Variants in KATNIP observed in about 807,000 individuals in gnomAD.
The protein encoded by KATNIP is katanin-interacting protein.
A neutral mutation model predicts 174.0 loss-of-function variants in KATNIP; 126 were observed. The observed-to-expected ratio is 0.72, with a 90% CI of 0.63 to 0.84. The LOEUF is 0.84. KATNIP is among the 40% of genes least tolerant of loss of function. The pLI, the probability that KATNIP is intolerant of heterozygous loss-of-function variation, is 0.00. For synonymous variants in KATNIP, 810 were observed against 835.7 expected (o/e 0.97, Z 0.53); for missense variants, 1,958 against 2,109.7 (o/e 0.93, Z 1.41).
intron 2 of KATNIP, among the ~76,000 whole-genome samples, chr16:27,601,223 C>A (rs1031304515): frequency 6.6e-6 from 1 of 152,158 alleles, no homozygotes; most frequent in Non-Finnish European, 1.5e-5. Context: ...GGAGACACAG[C>A]AGTGAGCAAG....
chr16:27,750,007 C>A lies in KATNIP; in HGVS notation c.3047C>A (p.Pro1016His). The A allele has an allele frequency of 6.2e-7, 1 of 1,614,148 alleles. No homozygotes were observed. The highest frequency in any genetic ancestry group is 8.5e-7 in the Non-Finnish European group (1 of 1,180,012). Residue 1016 changes from proline (P) to histidine (H), a missense_variant, in exon 16 of 28, where the codon CCC becomes CAC. Physicochemically the swap from Pro to His is moderately conservative, Grantham distance 77. This residue lies in a region of KATNIP where 1,557 missense variants were observed against 1,617.8 expected (regional missense o/e 0.96). Coordinates refer to ENST00000261588, the MANE Select transcript of KATNIP (RefSeq NM_015202.5). ...VQISNIKADP[P>H]DINILPAYGK... ...ATTTCAAACATAAAAGCAGACCCTC[C>A]CGATATCAATATTTTACCAGCCTAT... is the stretch of plus-strand genomic sequence containing the variant.
chr16:27,599,257 G>A (rs1163254267), intron 2 of KATNIP, among the ~76,000 whole-genome samples: 1 of 152,164 alleles, frequency 6.6e-6, no homozygotes, highest in Non-Finnish European at 1.5e-5. Context: ...CCTAAACTCC[G>A]AACCCGTACA....
At chr16:27,581,570 G>T (rs552410781) in intron 2 of KATNIP, among the ~76,000 whole-genome samples, 4 of 152,096 alleles carry the variant, frequency 2.6e-5, no homozygotes, top group Non-Finnish European at 5.9e-5. Flanking sequence ...GAAGGACTTG[G>T]GGGTATATCT....
intron 2 of KATNIP, among the ~76,000 whole-genome samples, chr16:27,600,265 G>C (rs567033982): frequency 8.5e-5 from 13 of 152,330 alleles, no homozygotes; most frequent in African/African-American, 3.1e-4. Context: ...GGGTCAGAGA[G>C]AATGAGCATT....
At chr16:27,679,897 G>A (rs748968946) in intron 7 of KATNIP, among the ~76,000 whole-genome samples, 2 of 152,104 alleles carry the variant, frequency 1.3e-5, no homozygotes, top group Non-Finnish European at 2.9e-5. Flanking sequence ...TGCTTGAGCT[G>A]TTCCCTCTGC....
chr16:27,635,651 G>A (rs945829934), intron 5 of KATNIP, among the ~76,000 whole-genome samples: 4 of 151,916 alleles, frequency 2.6e-5, no homozygotes, highest in African/African-American at 4.8e-5. Flanking sequence ...TTTGAAGCTC[G>A]GGCTGTGAAG....
chr16:27,681,416 A>G lies in KATNIP; in HGVS notation c.826A>G (p.Asn276Asp), dbSNP rs764345934. The G allele has an allele frequency of 5.6e-6, 9 of 1,614,220 alleles. No individual in the cohort carries two copies. The highest frequency in any genetic ancestry group is 6.8e-6 in the Non-Finnish European group (8 of 1,180,040). Residue 276 changes from asparagine (N) to aspartate (D), a missense_variant, in exon 8 of 28, where the codon AAT becomes GAT. Coordinates refer to ENST00000261588, the MANE Select transcript of KATNIP (RefSeq NM_015202.5). ...PASKSHKRER[N>D]LSAKRKDNAE... ...TCCTACAGGTCATAAAAGGGAAAGG[A>G]ATTTGTCTGCAAAGCGGAAGGACAA...
intron 2 of KATNIP, among the ~76,000 whole-genome samples, chr16:27,601,479 G>C (rs1338588506): frequency 6.6e-6 from 1 of 152,060 alleles, no homozygotes; most frequent in African/African-American, 2.4e-5. Context: ...ACTTATTATA[G>C]AGACGGGGCA....
rs559004532 is a variant in KATNIP, at chr16:27,707,429, A to G, written c.1390-1276A>G. On this transcript the variant is annotated intron_variant, in intron 12 of 27. Coordinates refer to ENST00000261588, the MANE Select transcript of KATNIP (RefSeq NM_015202.5). ...GCAGGCATTAAAACCAATGAAGGAG[A>G]GAAACAGAAAGAAACAGACACTTAC... 4.3e-4 allele frequency among the ~76,000 whole-genome samples: 65 copies of G among 152,294 alleles called. 1 individual carries two copies. Among genetic ancestry groups the G allele is most frequent in the Admixed American group, 1.6e-3 (25 of 15,300 alleles).
chr16:27,639,739 C>T (rs2076739783), intron 5 of KATNIP, among the ~76,000 whole-genome samples: 1 of 152,216 alleles, frequency 6.6e-6, no homozygotes, highest in Admixed American at 6.5e-5. Context: ...TTGTTATCTT[C>T]CTTCTGAGTT....
At chr16:27,643,257 A>AGGC (rs1164342917) in intron 5 of KATNIP, 2 of 152,244 alleles carry the variant, frequency 1.3e-5, no homozygotes, top group Admixed American at 1.3e-4. Flanking sequence ...CAAGTGGCCT[A>AGGC]CACCCTTGTG....
intron 13 of KATNIP, among the ~76,000 whole-genome samples, chr16:27,713,764 TATG>T (rs1243689361): frequency 2.6e-3 from 33 of 12,728 alleles, no homozygotes; most frequent in African/African-American, 7.7e-3. Context: ...TGTGTGTGTA[TATG>T]TATATATACA....
intron 2 of KATNIP, among the ~76,000 whole-genome samples, chr16:27,604,609 C>G (rs1436871152): frequency 6.6e-6 from 1 of 152,190 alleles, no homozygotes; most frequent in Non-Finnish European, 1.5e-5. Context: ...CTTTGCTGGG[C>G]TCACTGTTGT....
chr16:27,582,390 G>A (rs2090733018), intron 2 of KATNIP, among the ~76,000 whole-genome samples: 1 of 152,146 alleles, frequency 6.6e-6, no homozygotes, highest in Non-Finnish European at 1.5e-5. Flanking sequence ...AAACCTTTTA[G>A]TTCATATTTC....
chr16:27,706,110 G>T (rs1460170503), intron 12 of KATNIP, among the ~76,000 whole-genome samples: 3 of 152,154 alleles, frequency 2.0e-5, no homozygotes, highest in Admixed American at 6.5e-5. Flanking sequence ...CCAGCAGCTC[G>T]CACTGTGTCT....
chr16:27,631,432 C>G (rs2142167467), intron 5 of KATNIP, among the ~76,000 whole-genome samples: 1 of 152,088 alleles, frequency 6.6e-6, no homozygotes, highest in Middle Eastern at 3.4e-3. Context: ...CTAGTCCCAG[C>G]TACTCAGGAG....
Position 27,678,638 on chromosome 16 carries a change from T to C in KATNIP, c.808+642T>C, listed in dbSNP as rs75130212. On this transcript the variant is annotated intron_variant, in intron 7 of 27. Transcript: ENST00000261588. ...GGCCCAGCAAAAGTCCCAGACCTGGTTCTCCAACCCACACGGGGTCACATG... is the reference window on the plus strand; with the variant it reads ...GGCCCAGCAAAAGTCCCAGACCTGGCTCTCCAACCCACACGGGGTCACATG... 2.4e-3 allele frequency among the ~76,000 whole-genome samples: 364 copies of C among 152,318 alleles called. 17 individuals are homozygous for C. In the East Asian group the frequency reaches 0.066, roughly 28 times the overall value.
At chr16:27,644,780 A>C (rs1158831386) in intron 5 of KATNIP, 1 of 152,356 alleles carries the variant, frequency 6.6e-6, no homozygotes, top group Non-Finnish European at 1.5e-5. Flanking sequence ...AAGTGCTGGG[A>C]TTACAGGCAA....
chr16:27,589,826 T>G, intron 2 of KATNIP, among the ~76,000 whole-genome samples: 1 of 152,068 alleles, frequency 6.6e-6, no homozygotes, highest in East Asian at 1.9e-4. Flanking sequence ...AGAGTCTCGC[T>G]CTGTGGCCCA....
Sources: allele counts gnomAD v4.1 joint callset (sites outside exome capture counted in the v4.1 genomes callset), GRCh38; gene constraint gnomAD v4.1.1; regional missense constraint gnomAD v4.1.1; transcripts MANE v1.5; gene names NCBI Gene and HGNC (gene_info 2026-07-23, HGNC 2026-07-21).